The following DIAPH3 variants were observed in gnomAD, a reference collection of about 807,000 sequenced individuals.
DIAPH3 encodes protein diaphanous homolog 3.
A neutral mutation model predicts 144.3 loss-of-function variants in DIAPH3; 117 were observed. That is an observed-to-expected ratio of 0.81 (90% CI 0.70 to 0.95). DIAPH3 has a LOEUF of 0.95. Among genes scored for constraint, DIAPH3 ranks in the 40% least tolerant of loss-of-function variants. The probability of loss-of-function intolerance (pLI) is 0.00; values close to 1 mark genes in which losing one functional copy is unlikely to be tolerated. For synonymous variants in DIAPH3, 519 were observed against 488.9 expected (o/e 1.06, Z -0.81); for missense variants, 1,421 against 1,412.7 (o/e 1.01, Z -0.09).
At chr13:60,067,226 A>T (rs1333030660) in intron 4 of DIAPH3, among the ~76,000 whole-genome samples, 1 of 152,130 alleles carries the variant, frequency 6.6e-6, no homozygotes, top group Admixed American at 6.6e-5. Flanking sequence ...TTGAGGCTGC[A>T]GTAAGCCATG....
intron 4 of DIAPH3, among the ~76,000 whole-genome samples, chr13:60,074,632 C>T (rs1718794354): frequency 6.6e-6 from 1 of 152,210 alleles, no homozygotes; most frequent in Admixed American, 6.5e-5. Flanking sequence ...AAGATAATCA[C>T]TGCAAATGCT....
At chr13:60,011,009 G>A (rs1487979893) in intron 7 of DIAPH3, among the ~76,000 whole-genome samples, 6 of 151,926 alleles carry the variant, frequency 3.9e-5, no homozygotes, top group Non-Finnish European at 7.4e-5. Context: ...GTAGGCTGAG[G>A]CAGGAGAATC....
intron 27 of DIAPH3, among the ~76,000 whole-genome samples, chr13:59,755,207 C>T (rs1197323461): frequency 6.6e-6 from 1 of 152,104 alleles, no homozygotes; most frequent in African/African-American, 2.4e-5. Context: ...TTCAATACCA[C>T]ACAACTTCTA....
intron 4 of DIAPH3, among the ~76,000 whole-genome samples, chr13:60,087,739 T>C (rs2057795277): frequency 6.6e-6 from 1 of 150,936 alleles, no homozygotes. Context: ...TAGCAAACTT[T>C]CAGGAGCATT....
In DIAPH3 at chr13:60,017,555, T is replaced by A. The variant is rs555768762; in HGVS notation, c.627-1410A>T. On this transcript the variant is annotated intron_variant, in intron 5 of 27. Transcript: ENST00000400324. Reference sequence around the variant, plus strand: ...GAGAATAAAAACCAAATGCAACATATTTATATAAAAAATACAAATATTGAG... The same window carrying A: ...GAGAATAAAAACCAAATGCAACATAATTATATAAAAAATACAAATATTGAG... Among the ~76,000 whole-genome samples the A allele has an allele frequency of 7.2e-5, 11 of 152,284 alleles. No homozygotes were observed. The East Asian group carries it at 2.1e-3, about 29-fold the overall frequency.
chr13:59,856,511 G>A (rs1049382537), intron 22 of DIAPH3, among the ~76,000 whole-genome samples: 7 of 152,210 alleles, frequency 4.6e-5, no homozygotes, highest in Non-Finnish European at 1.0e-4. Context: ...GCTTGCAGAT[G>A]GCCACCTCCT....
At chr13:59,763,274 A>G (rs528578699) in intron 27 of DIAPH3, among the ~76,000 whole-genome samples, 3 of 148,268 alleles carry the variant, frequency 2.0e-5, no homozygotes, top group African/African-American at 7.6e-5. Flanking sequence ...ATGTACACAT[A>G]TATACATATA....
chr13:60,120,342 C>A (rs148510048), intron 2 of DIAPH3, among the ~76,000 whole-genome samples: 1 of 152,290 alleles, frequency 6.6e-6, no homozygotes, highest in Non-Finnish European at 1.5e-5. Context: ...AGGCCATAGA[C>A]TTAACCACCC....
At chr13:60,151,457 A>T in intron 1 of DIAPH3, among the ~76,000 whole-genome samples, 1 of 152,198 alleles carries the variant, frequency 6.6e-6, no homozygotes, top group Non-Finnish European at 1.5e-5. Context: ...AATAACCCAC[A>T]TATGTTTCTG....
intron 21 of DIAPH3, among the ~76,000 whole-genome samples, chr13:59,873,839 G>A (rs1273532943): frequency 6.6e-6 from 1 of 151,662 alleles, no homozygotes; most frequent in Non-Finnish European, 1.5e-5. Context: ...GCCCAGATAA[G>A]TTTTGTAGTT....
intron 3 of DIAPH3, among the ~76,000 whole-genome samples, chr13:60,102,389 G>T (rs1324049059): frequency 6.6e-6 from 1 of 152,084 alleles, no homozygotes; most frequent in Non-Finnish European, 1.5e-5. Flanking sequence ...TTCTATACTT[G>T]CTGCCTCTTT....
chr13:59,763,982 C>A (rs1259066424), intron 27 of DIAPH3, among the ~76,000 whole-genome samples: 1 of 151,858 alleles, frequency 6.6e-6, no homozygotes, highest in Non-Finnish European at 1.5e-5. Context: ...AGCCTGTTCT[C>A]TAGACTGTTC....
intron 27 of DIAPH3, among the ~76,000 whole-genome samples, chr13:59,734,465 T>G (rs1420934380): frequency 6.6e-6 from 1 of 152,208 alleles, no homozygotes; most frequent in Non-Finnish European, 1.5e-5. Flanking sequence ...TGAGTAGATT[T>G]ACCCCTTTAA....
intron 25 of DIAPH3, among the ~76,000 whole-genome samples, chr13:59,784,417 C>T (rs2038918899): frequency 1.3e-5 from 2 of 149,324 alleles, no homozygotes; most frequent in Admixed American, 1.4e-4. Flanking sequence ...GCTCTGTCAC[C>T]CAGGCTGGAG....
intron 24 of DIAPH3, among the ~76,000 whole-genome samples, chr13:59,820,584 A>AT (rs2041017618): frequency 6.6e-6 from 1 of 151,740 alleles, no homozygotes; most frequent in Admixed American, 6.6e-5. Flanking sequence ...TTTGTTTTAT[A>AT]TTTTTCCCTA....
chr13:59,925,734 C>T (rs574397527), intron 17 of DIAPH3, among the ~76,000 whole-genome samples: 122 of 152,084 alleles, frequency 8.0e-4, no homozygotes, highest in Non-Finnish European at 1.4e-3. Context: ...CTCAGGTTTC[C>T]TATTCTTTCT....
At chr13:60,021,910 T>A (rs543483465) in intron 5 of DIAPH3, among the ~76,000 whole-genome samples, 1 of 152,124 alleles carries the variant, frequency 6.6e-6, no homozygotes, top group Non-Finnish European at 1.5e-5. Flanking sequence ...ACACTAGATG[T>A]CTCCATTTAT....
chr13:59,762,355 C>T (rs1278974012), intron 27 of DIAPH3, among the ~76,000 whole-genome samples: 2 of 152,072 alleles, frequency 1.3e-5, no homozygotes, highest in Non-Finnish European at 1.5e-5. Context: ...CCACCGCGCC[C>T]GGCTGCTTCA....
At chr13:60,154,486 C>T (rs1459132442) in intron 1 of DIAPH3, among the ~76,000 whole-genome samples, 5 of 152,112 alleles carry the variant, frequency 3.3e-5, no homozygotes, top group African/African-American at 1.2e-4. Context: ...GAAAAGATAG[C>T]AGTGGGTCTT....
Sources: allele counts gnomAD v4.1 joint callset (sites outside exome capture counted in the v4.1 genomes callset), GRCh38; gene constraint gnomAD v4.1.1; transcripts MANE v1.5; gene names NCBI Gene and HGNC (gene_info 2026-07-23, HGNC 2026-07-21).